PDE10A: variants seen among roughly 807,000 people sequenced by gnomAD.
PDE10A encodes the protein cAMP and cAMP-inhibited cGMP 3',5'-cyclic phosphodiesterase 10A.
Under a neutral mutation model 97.7 loss-of-function variants are expected in PDE10A, and 39 were observed. That is an observed-to-expected ratio of 0.40 (90% CI 0.31 to 0.52). The LOEUF (loss-of-function observed/expected upper bound fraction) is 0.52. PDE10A is among the 20% of genes least tolerant of loss of function. The pLI, the probability that PDE10A is intolerant of heterozygous loss-of-function variation, is 0.56. For synonymous variants in PDE10A, 371 were observed against 376.8 expected, an observed-to-expected ratio of 0.98 and a Z score of 0.18; for missense variants, 731 against 1,047.8, an observed-to-expected ratio of 0.70 and a Z score of 4.17.
At chr6:165,964,130 C>A (rs1425325701) in intron 1 of PDE10A, among the ~76,000 whole-genome samples, 2 of 152,196 alleles carry the variant, frequency 1.3e-5, no homozygotes, top group African/African-American at 4.8e-5. Context: ...TACACTCTCC[C>A]TATAATATTT....
chr6:165,777,536 G>A (rs1301887720), intron 1 of PDE10A, among the ~76,000 whole-genome samples: 1 of 152,178 alleles, frequency 6.6e-6, no homozygotes, highest in Admixed American at 6.5e-5. Flanking sequence ...GACAGACTCT[G>A]AGTTATCCTA....
intron 1 of PDE10A, among the ~76,000 whole-genome samples, chr6:165,686,253 G>T (rs1432963409): frequency 2.6e-5 from 4 of 152,008 alleles, no homozygotes; most frequent in Non-Finnish European, 4.4e-5. Flanking sequence ...GAGATGTGAT[G>T]CATTCAGAGT....
intron 1 of PDE10A, among the ~76,000 whole-genome samples, chr6:165,701,443 T>C (rs1324895578): frequency 1.3e-5 from 2 of 152,338 alleles, no homozygotes; most frequent in East Asian, 1.9e-4. Context: ...TTTTCTTTGA[T>C]TTAACAACAA....
chr6:165,663,036 G>A lies in PDE10A; in HGVS notation c.-225C>T, dbSNP rs1185064418. ...GGCCTGGGGGCCAGGCCCCGGCGACGGCGCCTGGCTACCCTCAGGCGCGCA... is the reference window on the plus strand; with the variant it reads ...GGCCTGGGGGCCAGGCCCCGGCGACAGCGCCTGGCTACCCTCAGGCGCGCA... On this transcript the variant is annotated 5_prime_UTR_variant, in exon 1 of 22. Transcript: ENST00000539869. Among the ~76,000 whole-genome samples the A allele has an allele frequency of 1.3e-5, 2 of 151,448 alleles. No individual in the cohort carries two copies. The highest frequency in any genetic ancestry group is 3.0e-5 in the Non-Finnish European group (2 of 67,774).
chr6:165,547,168 T>C (rs1783780483), intron 1 of PDE10A, among the ~76,000 whole-genome samples: 2 of 152,166 alleles, frequency 1.3e-5, no homozygotes, highest in African/African-American at 2.4e-5. Context: ...TTTTAAAATA[T>C]ATCATTCCTG....
chr6:165,355,975 G>A (rs139119959), intron 18 of PDE10A, among the ~76,000 whole-genome samples: 1 of 152,204 alleles, frequency 6.6e-6, no homozygotes, highest in Admixed American at 6.5e-5. Flanking sequence ...CATGGCTGGG[G>A]AGGCCTCAGC....
At chr6:165,956,207 A>C (rs6915961) in intron 1 of PDE10A, among the ~76,000 whole-genome samples, 1 of 152,206 alleles carries the variant, frequency 6.6e-6, no homozygotes, top group African/African-American at 2.4e-5. Context: ...AATCTACATT[A>C]TGCAAATCTA....
intron 1 of PDE10A, among the ~76,000 whole-genome samples, chr6:165,586,514 G>A (rs1182777503): frequency 6.6e-6 from 1 of 152,074 alleles, no homozygotes; most frequent in Non-Finnish European, 1.5e-5. Context: ...TCATGTCCCA[G>A]AAGAGAACTG....
intron 1 of PDE10A, among the ~76,000 whole-genome samples, chr6:165,722,596 G>A (rs77847864): frequency 0.01 from 1,591 of 152,262 alleles, 29 homozygotes; most frequent in African/African-American, 0.037. Flanking sequence ...AGTTATGTGA[G>A]CGTGCTCTCT....
Position 165,392,668 on chromosome 6 carries a change from T to C in PDE10A, c.2432A>G (p.His811Arg), listed in dbSNP as rs1785813384. Residue 811 changes from histidine (H) to arginine (R), a missense_variant, in exon 16 of 22, where the codon CAC becomes CGC. Physicochemically the swap from His to Arg is conservative, Grantham distance 29 (BLOSUM62 0). Coordinates refer to ENST00000539869, the MANE Select transcript of PDE10A (RefSeq NM_001385079.1). ...HCMYAILQNN[H>R]TLFTDLERKG... is the part of the protein sequence containing the mutation. ...CACCTCAAGGTCTGTGAAAAGCGTG[T>C]GATTGTTCTGAAGTATGGCATACAT... is the stretch of plus-strand genomic sequence containing the variant. The C allele has an allele frequency of 6.2e-7, 1 of 1,613,936 alleles. No individual in the cohort carries two copies. Among genetic ancestry groups the C allele is most frequent in the Non-Finnish European group, 8.5e-7 (1 of 1,179,874 alleles).
At chr6:165,563,421 A>C (rs1784623198) in intron 1 of PDE10A, among the ~76,000 whole-genome samples, 1 of 152,180 alleles carries the variant, frequency 6.6e-6, no homozygotes, top group Non-Finnish European at 1.5e-5. Flanking sequence ...CTGACAAAGA[A>C]AACTAAGTAT....
chr6:165,943,219 GAAAGAAAGAAA>G (rs1240280767), intron 1 of PDE10A, among the ~76,000 whole-genome samples: 1,170 of 72,594 alleles, frequency 0.016, 12 homozygotes, highest in Non-Finnish European at 0.024. Context: ...AAGAAAGAAA[GAAAGAAAGAAA>G]GAAAGAAGGA....
intron 1 of PDE10A, among the ~76,000 whole-genome samples, chr6:165,804,432 C>G (rs961067921): frequency 2.0e-5 from 3 of 152,140 alleles, no homozygotes; most frequent in African/African-American, 7.2e-5. Context: ...GTTTTTGGCC[C>G]TATGCTGGCT....
At chr6:165,976,243 G>A in intron 1 of PDE10A, among the ~76,000 whole-genome samples, 1 of 152,102 alleles carries the variant, frequency 6.6e-6, no homozygotes, top group East Asian at 1.9e-4. Flanking sequence ...TATCGTGTAA[G>A]ATAACAGCTG....
chr6:165,969,403 C>T (rs769433087), intron 1 of PDE10A, among the ~76,000 whole-genome samples: 2 of 152,022 alleles, frequency 1.3e-5, no homozygotes, highest in Non-Finnish European at 2.9e-5. Flanking sequence ...ATTGGCTACA[C>T]CCAGACAATT....
chr6:165,723,964 A>G (rs1205067359), intron 1 of PDE10A, among the ~76,000 whole-genome samples: 3 of 152,202 alleles, frequency 2.0e-5, no homozygotes, highest in Non-Finnish European at 4.4e-5. Flanking sequence ...TGCGCGTCAC[A>G]GGTTATGTAA....
chr6:165,562,652 C>A (rs78290588), intron 1 of PDE10A, among the ~76,000 whole-genome samples: 1 of 152,186 alleles, frequency 6.6e-6, no homozygotes, highest in Non-Finnish European at 1.5e-5. Flanking sequence ...TGCTCCACTA[C>A]TGCCCTGTAC....
intron 1 of PDE10A, among the ~76,000 whole-genome samples, chr6:165,717,466 C>T (rs993758006): frequency 6.6e-6 from 1 of 152,052 alleles, no homozygotes; most frequent in African/African-American, 2.4e-5. Flanking sequence ...TGCCTGTAAT[C>T]CAAGCTACTC....
chr6:165,530,168 G>A (rs1782685038), intron 2 of PDE10A, among the ~76,000 whole-genome samples: 1 of 151,978 alleles, frequency 6.6e-6, no homozygotes, highest in South Asian at 2.1e-4. Context: ...CTTCAGTTTT[G>A]GGACTCAGAC....
Sources: gnomAD v4.1 joint callset for allele counts (sites outside exome capture counted in the v4.1 genomes callset) on GRCh38, gnomAD v4.1.1 for gene constraint, MANE v1.5 for transcripts, NCBI Gene and HGNC (gene_info 2026-07-23, HGNC 2026-07-21) for gene names.